ANKRD34B: variants seen among roughly 807,000 people sequenced by gnomAD.
The protein encoded by ANKRD34B is ankyrin repeat domain 34B, also known as ankyrin repeat domain-containing protein 34B.
In ANKRD34B, 2 loss-of-function variants were observed where a neutral mutation model predicts 4.4. The observed-to-expected ratio is 0.46, with a 90% CI of 0.19 to 1.44. The LOEUF (loss-of-function observed/expected upper bound fraction) is 1.44, where lower values mean the gene tolerates loss of function less well. Among genes scored for constraint, ANKRD34B ranks in the 40% most tolerant of loss-of-function variants. The pLI is 0.26. For synonymous variants in ANKRD34B, 226 were observed against 227.1 expected (o/e 0.99, Z 0.05); for missense variants, 558 against 604.7 (o/e 0.92, Z 0.81).
intron 1 of ANKRD34B, among the ~76,000 whole-genome samples, chr5:80,569,936 C>G (rs1242642054): frequency 6.6e-6 from 1 of 152,182 alleles, no homozygotes; most frequent in Non-Finnish European, 1.5e-5. Flanking sequence ...CGGCGGCCCT[C>G]GGCTGGCCCT....
Position 80,559,649 on chromosome 5 carries a change from T to C in ANKRD34B, c.371A>G (p.Tyr124Cys), listed in dbSNP as rs1291403678. 2 of 1,614,162 alleles carry C rather than the reference T, an allele frequency of 1.2e-6. No homozygotes were observed. The highest frequency in any genetic ancestry group is 1.7e-5 in the Admixed American group (1 of 60,018). The change falls in exon 5 of 5, where the codon TAT (tyrosine) becomes TGT (cysteine). Residue 124 changes from tyrosine to cysteine, a missense_variant. By Grantham distance (194) the Tyr-to-Cys change is radical. Coordinates refer to ENST00000338682, the MANE Select transcript of ANKRD34B (RefSeq NM_001004441.3). ...QDHSSYSALV[Y>C]AINSEDTETL... ...CTCTGTATCTTCTGAATTTATAGCA[T>C]AAACAAGAGCTGAGTAACTAGAATG...
chr5:80,564,749 A>G (rs1580480623), intron 3 of ANKRD34B, among the ~76,000 whole-genome samples: 1 of 117,882 alleles, frequency 8.5e-6, no homozygotes, highest in Admixed American at 1.3e-4. Flanking sequence ...GTTGTTGCCC[A>G]GGCTGGAGTG....
rs1379355092 is a variant in ANKRD34B at position 80,556,869 on chromosome 5, G to T, written c.*1606C>A. The T allele has an allele frequency of 1.3e-5, 2 of 152,438 alleles. No individual in the cohort carries two copies. The highest frequency in any genetic ancestry group is 2.9e-5 in the Non-Finnish European group (2 of 68,010). 9.4% of individuals were successfully genotyped at this position (152,438 alleles called of 1,614,324 possible). A position where few individuals can be genotyped will look rare whatever the true frequency, so the allele number is the denominator to read the frequency against. ...AAGTACTTTTCTCGATATTTAACTT[G>T]CAGAAAGCATTTAAATACCTATAAA... On this transcript the variant is annotated 3_prime_UTR_variant, in exon 5 of 5. Transcript: ENST00000338682.
intron 3 of ANKRD34B, 74 bp downstream of exon 3, chr5:80,566,615 T>A (rs188767840): frequency 2.0e-5 from 3 of 152,702 alleles, no homozygotes; most frequent in Non-Finnish European, 2.9e-5. Flanking sequence ...TATCTGTCGA[T>A]ACATGAAAGA....
intron 1 of ANKRD34B, 144 bp downstream of exon 1, chr5:80,570,010 G>T (rs1353936234): frequency 6.6e-6 from 1 of 152,388 alleles, no homozygotes; most frequent in African/African-American, 2.4e-5. Context: ...GGCTTCAGGG[G>T]CTTGCGCGCA....
chr5:80,559,922 C>T lies in ANKRD34B; in HGVS notation c.98G>A (p.Gly33Asp). Residue 33 changes from glycine to aspartate, a missense_variant, in exon 5 of 5, where the codon GGT (glycine) becomes GAT (aspartate). Transcript: ENST00000338682. ...GTCGTTGCTCTCATTAATGTAGGCA[C>T]CGCCTTCTAGCAAAAGTCTTGTGAG... ...LRLTRLLLEG[G>D]AYINESNDRG... is the part of the protein sequence containing the mutation. 1 of 1,614,214 alleles carries T rather than the reference C, an allele frequency of 6.2e-7. No individual in the cohort carries two copies. The highest frequency in any genetic ancestry group is 8.5e-7 in the Non-Finnish European group (1 of 1,180,038).
chr5:80,564,651 TGAC>T (rs143873309), intron 3 of ANKRD34B, among the ~76,000 whole-genome samples: 5,233 of 151,264 alleles, frequency 0.035, 98 homozygotes, highest in Middle Eastern at 0.056. Context: ...CCCATGAGGT[TGAC>T]TTTTTCCTCA....
rs1746253731 is a variant in ANKRD34B at position 80,556,967 on chromosome 5, T to C, written c.*1508A>G. Reference sequence around the variant, plus strand: ...ATTAATATTAATGTTGTTCAAGACATGAAATGGAAAAACCTCTAATTACTT... The same window carrying C: ...ATTAATATTAATGTTGTTCAAGACACGAAATGGAAAAACCTCTAATTACTT... On this transcript the variant is annotated 3_prime_UTR_variant, in exon 5 of 5. Transcript: ENST00000338682. 1 of 152,530 alleles carries C rather than the reference T, an allele frequency of 6.6e-6. No homozygotes were observed. The highest frequency in any genetic ancestry group is 1.5e-5 in the Non-Finnish European group (1 of 67,996). The allele number at this position is 152,530 out of a possible 1,614,324, so 9.4% of individuals were successfully genotyped here.
At chr5:80,568,925 C>CACACACACAAACAGAGAGAGAGAG in intron 2 of ANKRD34B, 35 bp downstream of exon 2, 1 of 49,850 alleles carries the variant, frequency 2.0e-5, no homozygotes, top group Non-Finnish European at 3.9e-5. Flanking sequence ...CACACACACA[C>CACACACACAAACAGAGAGAGAGAG]AGAGAGAGAG....
At chr5:80,562,392 C>T (rs1345425710) in intron 4 of ANKRD34B, among the ~76,000 whole-genome samples, 1 of 152,138 alleles carries the variant, frequency 6.6e-6, no homozygotes, top group Non-Finnish European at 1.5e-5. Context: ...ACCCCTCCCG[C>T]TCTCTGGGAT....
In ANKRD34B at chr5:80,566,697, A is replaced by G. The variant is rs373533437; in HGVS notation, c.-113T>C. ...TGGAAATAGAAACTTACCTGAAAAC[A>G]TTATTCAAAATTTCACACTTCACTT... is the stretch of plus-strand genomic sequence containing the variant. On this transcript the variant is annotated 5_prime_UTR_variant, in exon 3 of 5. It removes an upstream start codon present in the reference 5' UTR. Transcript: ENST00000338682. 8 of 152,772 alleles carry G rather than the reference A, an allele frequency of 5.2e-5. No homozygotes were observed. The East Asian group carries it at 9.6e-4, about 18-fold the overall frequency. 9.5% of individuals were successfully genotyped at this position (152,772 alleles called of 1,614,324 possible).
rs377516382 is a variant in ANKRD34B at position 80,558,845 on chromosome 5, C to A, written c.1175G>T (p.Gly392Val). ...AGATGGTGAGAGGATCTTTTTCTTT[C>A]CTATAAGTGCTTTGCCGTCTTCTGA... is the stretch of plus-strand genomic sequence containing the variant. The part of the protein sequence containing the change: ...PTSEDGKALI[G>V]KKKILSPSPS... Residue 392 changes from glycine to valine, a missense_variant, in exon 5 of 5, where the codon GGA (glycine) becomes GTA (valine). Transcript: ENST00000338682. The A allele has an allele frequency of 3.1e-6, 5 of 1,613,666 alleles. No homozygotes were observed. The highest frequency in any genetic ancestry group is 4.2e-6 in the Non-Finnish European group (5 of 1,179,972).
intron 1 of ANKRD34B, among the ~76,000 whole-genome samples, 185 bp from the exon 2 acceptor site, chr5:80,569,292 C>A (rs1480348703): frequency 1.3e-5 from 2 of 152,190 alleles, no homozygotes; most frequent in Admixed American, 1.3e-4. Flanking sequence ...GCCGCTCGCC[C>A]GCCGGCCGGA....
chr5:80,563,233 A>G (rs1183954063), intron 4 of ANKRD34B, among the ~76,000 whole-genome samples: 2 of 152,154 alleles, frequency 1.3e-5, no homozygotes, highest in African/African-American at 4.8e-5. Context: ...TAGGAGAACA[A>G]TGCCGTTTGG....
Position 80,560,022 on chromosome 5 carries a change from T to C in ANKRD34B, c.-3A>G. On this transcript the variant is annotated 5_prime_UTR_variant, in exon 5 of 5. Transcript: ENST00000338682. The stretch of plus-strand genomic sequence containing the variant: ...GAAATTTCCATACCTTCATCCATCT[T>C]CGGAGGTTAGAACTCAATACCTGGT... 6.4e-7 allele frequency: 1 copy of C among 1,567,954 alleles called. No individual in the cohort carries two copies.
Position 80,558,687 on chromosome 5 carries a change from T to C in ANKRD34B, c.1333A>G (p.Arg445Gly), listed in dbSNP as rs1343641044. The C allele has an allele frequency of 6.2e-7, 1 of 1,614,194 alleles. No homozygotes were observed. Residue 445 changes from arginine to glycine, a missense_variant, in exon 5 of 5, where the codon AGA becomes GGA. Transcript: ENST00000338682. ...FPLDHSVTQTRQGFLPPLNVN... is the reference protein window; with the variant it reads ...FPLDHSVTQTGQGFLPPLNVN... ...TTTAAGGGTGGGAGAAACCCTTGTC[T>C]GGTTTGGGTAACACTGTGATCTAAA...
chr5:80,559,708 G>C lies in ANKRD34B; in HGVS notation c.312C>G (p.Leu104=). ...AGCTGAGGTCAGCCCCACTCTTGAGGAGCAAGGAAACAACTTCAGGGCCAG... is the reference window on the plus strand; with the variant it reads ...AGCTGAGGTCAGCCCCACTCTTGAGCAGCAAGGAAACAACTTCAGGGCCAG... The part of the protein sequence containing the change: ...EKAGPEVVSL[L]LKSGADLSLQ... The change falls in exon 5 of 5, where the codon CTC becomes CTG. Residue 104 remains leucine, a synonymous_variant. Transcript: ENST00000338682. The C allele has an allele frequency of 6.2e-7, 1 of 1,614,196 alleles. No individual in the cohort carries two copies.
At position 80,558,885 on chromosome 5, in the gene ANKRD34B, G is replaced by C. The variant is rs1488871946; in HGVS notation, c.1135C>G (p.Leu379Val). The C allele has an allele frequency of 1.2e-6, 2 of 1,614,104 alleles. No individual in the cohort carries two copies. Among genetic ancestry groups the C allele is most frequent in the Non-Finnish European group, 1.7e-6 (2 of 1,180,024 alleles). Reference protein sequence around the residue: ...YSSDSQLSAGLTPPTSEDGKA... With the variant: ...YSSDSQLSAGVTPPTSEDGKA... The stretch of plus-strand genomic sequence containing the variant: ...CCGTCTTCTGAAGTTGGAGGGGTAA[G>C]GCCAGCTGAGAGCTGGGAATCAGAG... The change falls in exon 5 of 5, where the codon CTT becomes GTT. Residue 379 changes from leucine to valine, a missense_variant. Leu to Val is a conservative substitution (Grantham distance 32, BLOSUM62 1). Transcript: ENST00000338682.
chr5:80,559,340 C>G lies in ANKRD34B; in HGVS notation c.680G>C (p.Gly227Ala), dbSNP rs372044346. 1 of 1,614,194 alleles carries G rather than the reference C, an allele frequency of 6.2e-7. No homozygotes were observed. The highest frequency in any genetic ancestry group is 8.5e-7 in the Non-Finnish European group (1 of 1,180,028). The change falls in exon 5 of 5, where the codon GGT (glycine) becomes GCT (alanine). Residue 227 changes from glycine (G) to alanine (A), a missense_variant. Physicochemically the swap from Gly to Ala is moderately conservative, Grantham distance 60 (BLOSUM62 0). Transcript: ENST00000338682. ...AGSNDDTWDP[G>A]SPVRKPALAP... ...CAATGCAGGTTTCCTCACAGGGGAACCTGGGTCCCAGGTATCATCATTGCT... is the reference window on the plus strand; with the variant it reads ...CAATGCAGGTTTCCTCACAGGGGAAGCTGGGTCCCAGGTATCATCATTGCT...
Sources: allele counts gnomAD v4.1 joint callset (sites outside exome capture counted in the v4.1 genomes callset), GRCh38; gene constraint gnomAD v4.1.1; transcripts MANE v1.5; gene names NCBI Gene and HGNC (gene_info 2026-07-23, HGNC 2026-07-21).